PPP2R1A: variants seen among roughly 807,000 people sequenced by gnomAD.
PPP2R1A encodes the protein serine/threonine-protein phosphatase 2A 65 kDa regulatory subunit A alpha isoform.
PPP2R1A carries 15 observed loss-of-function variants against 67.1 expected under a neutral mutation model. The observed-to-expected ratio is 0.22, with a 90% CI of 0.15 to 0.34. The LOEUF (loss-of-function observed/expected upper bound fraction) is 0.34. Ranked by LOEUF, PPP2R1A falls within the 10% of genes least tolerant of loss-of-function variation. The pLI is 1.00. For synonymous variants in PPP2R1A, 337 were observed against 325.0 expected (o/e 1.04, Z -0.40); for missense variants, 369 against 775.0 (o/e 0.48, Z 6.22).
chr19:52,222,281 C>G (rs2122370331), intron 13 of PPP2R1A, 40 bp downstream of exon 13: 3 of 1,594,146 alleles, frequency 1.9e-6, no homozygotes, highest in Non-Finnish European at 2.6e-6. Context: ...GCAGGGGCTT[C>G]TTGTGGGCAC....
chr19:52,201,540 C>T (rs1009009345), intron 1 of PPP2R1A: 4 of 177,258 alleles, frequency 2.3e-5, no homozygotes, highest in Admixed American at 5.5e-5. Context: ...AGCCGAGGAC[C>T]GGGCACAGAG....
Position 52,211,877 on chromosome 19 carries a change from A to G in PPP2R1A, c.503+385A>G, listed in dbSNP as rs901177070. On this transcript the variant is annotated intron_variant, in intron 4 of 14. Coordinates refer to ENST00000322088, the MANE Select transcript of PPP2R1A (RefSeq NM_014225.6). This position sits in a 1 kb window ranked among gnomAD's most constrained non-coding sequence, Gnocchi z 5.3. Reference sequence around the variant, plus strand: ...GTCCAGTGCCTTTGGCAGATAAACCACCTCAGTTTTCAGCCTCCTGCTCGT... The same window carrying G: ...GTCCAGTGCCTTTGGCAGATAAACCGCCTCAGTTTTCAGCCTCCTGCTCGT... 1.3e-5 allele frequency among the ~76,000 whole-genome samples: 2 copies of G among 152,196 alleles called. No homozygotes were observed. The highest frequency in any genetic ancestry group is 2.9e-5 in the Non-Finnish European group (2 of 68,026).
intron 6 of PPP2R1A, 28 bp from the exon 7 acceptor site, chr19:52,215,751 C>G: frequency 6.3e-7 from 1 of 1,597,048 alleles, no homozygotes; most frequent in Non-Finnish European, 8.6e-7. Flanking sequence ...GCCCCTCTCA[C>G]TCTCCCCCTC....
chr19:52,201,924 T>C lies in PPP2R1A; in HGVS notation c.79-20T>C, dbSNP rs2122300316. ...TGGGATTTCTAACATTCTCCCCTCC[T>C]CTTCTTGTTCTCTCATTAGCTTCGC... On this transcript the variant is annotated intron_variant, in intron 1 of 14. Coordinates refer to ENST00000322088, the MANE Select transcript of PPP2R1A (RefSeq NM_014225.6). The C allele has an allele frequency of 6.2e-7, 1 of 1,610,668 alleles. No individual in the cohort carries two copies. The highest frequency in any genetic ancestry group is 1.1e-5 in the South Asian group (1 of 90,996).
chr19:52,201,633 TGAAGA>T (rs1157767287), intron 1 of PPP2R1A: 2 of 363,684 alleles, frequency 5.5e-6, no homozygotes, highest in African/African-American at 2.1e-5. Context: ...GAGAAAGTGA[TGAAGA>T]GAGAGGAGGA....
Position 52,228,124 on chromosome 19 carries a change from C to G in PPP2R1A, c.*2143C>G, listed in dbSNP as rs10402638. The G allele has an allele frequency of 0.16, 24,596 of 152,042 alleles. 2,577 individuals are homozygous for G. The highest frequency in any genetic ancestry group is 0.3 in the African/African-American group (12,459 of 41,380). The allele number at this position is 152,042 out of a possible 1,614,324, so 9.4% of individuals were successfully genotyped here. A position where few individuals can be genotyped will look rare whatever the true frequency, so the allele number is the denominator to read the frequency against. On this transcript the variant is annotated 3_prime_UTR_variant, in exon 15 of 15. Coordinates refer to ENST00000322088, the MANE Select transcript of PPP2R1A (RefSeq NM_014225.6). The stretch of plus-strand genomic sequence containing the variant: ...TGCTATGGCTCAGAGGTGGGGTCTA[C>G]AATTGGACATGTGTATGTAGACAAG...
intron 3 of PPP2R1A, among the ~76,000 whole-genome samples, chr19:52,207,257 A>G (rs1181622285): frequency 1.3e-5 from 2 of 152,208 alleles, no homozygotes; most frequent in African/African-American, 4.8e-5. Context: ...TCACAAAATT[A>G]TCTGTAGCCC....
rs991450426 is a variant in PPP2R1A, at chr19:52,219,166, G to C, written c.1129-525G>C. Among the ~76,000 whole-genome samples the C allele has an allele frequency of 6.6e-6, 1 of 152,198 alleles. No individual in the cohort carries two copies. The highest frequency in any genetic ancestry group is 1.5e-5 in the Non-Finnish European group (1 of 68,044). On this transcript the variant is annotated intron_variant, in intron 9 of 14. Coordinates refer to ENST00000322088, the MANE Select transcript of PPP2R1A (RefSeq NM_014225.6). This position sits in a 1 kb window ranked among gnomAD's most constrained non-coding sequence, Gnocchi z 4.0. ...ACAGCAAGGGCTGGAGCTGGGCAAGGGCCAGTCCTATCCTCGGAATGTGCA... is the reference window on the plus strand; with the variant it reads ...ACAGCAAGGGCTGGAGCTGGGCAAGCGCCAGTCCTATCCTCGGAATGTGCA...
Position 52,216,935 on chromosome 19 carries a change from A to G in PPP2R1A, c.1128+272A>G, listed in dbSNP as rs532304884. ...CCAGGCGCGGTGGCTCACGCCTGTA[A>G]TCCCAGCACTTTGGGAGGCTGAGGC... On this transcript the variant is annotated intron_variant, in intron 9 of 14. Transcript: ENST00000322088. This position sits in a 1 kb window ranked among gnomAD's most constrained non-coding sequence, Gnocchi z 4.3. 6.6e-6 allele frequency among the ~76,000 whole-genome samples: 1 copy of G among 152,310 alleles called. No homozygotes were observed. The highest frequency in any genetic ancestry group is 1.9e-4 in the East Asian group (1 of 5,166).
rs1311380955 is a variant in PPP2R1A, at chr19:52,200,773, C to G, written c.79-1171C>G. Reference sequence around the variant, plus strand: ...GTTCCTGGGCTTGTGGATGCATCTCCTGGTCTCTCCACCCATCTTCACATG... The same window carrying G: ...GTTCCTGGGCTTGTGGATGCATCTCGTGGTCTCTCCACCCATCTTCACATG... On this transcript the variant is annotated intron_variant, in intron 1 of 14. Transcript: ENST00000322088. 2.6e-5 allele frequency among the ~76,000 whole-genome samples: 4 copies of G among 152,212 alleles called. No homozygotes were observed. The South Asian group carries it at 8.3e-4, about 32-fold the overall frequency.
At position 52,216,496 on chromosome 19, in the gene PPP2R1A, C is replaced by T. The variant is rs746175337; in HGVS notation, c.994-33C>T. On this transcript the variant is annotated intron_variant, in intron 8 of 14. Coordinates refer to ENST00000322088, the MANE Select transcript of PPP2R1A (RefSeq NM_014225.6). This position sits in a 1 kb window ranked among gnomAD's most constrained non-coding sequence, Gnocchi z 4.3. ...GCCACTTGCTGCTGCAGGGGTTGCA[C>T]TGACCCCTGTGCCTGCCTCTTCTCT... The T allele has an allele frequency of 6.8e-6, 11 of 1,613,780 alleles. 1 individual carries two copies. In the South Asian group the frequency reaches 1.2e-4, roughly 18 times the overall value.
chr19:52,205,870 C>A, intron 2 of PPP2R1A, 93 bp from the exon 3 acceptor site: 2 of 1,023,022 alleles, frequency 2.0e-6, no homozygotes, highest in Non-Finnish European at 3.0e-6. Context: ...GTGCTGACAG[C>A]CTGAGGAAGC....
intron 2 of PPP2R1A, among the ~76,000 whole-genome samples, chr19:52,203,374 C>T (rs548645631): frequency 1.3e-5 from 2 of 152,296 alleles, no homozygotes; most frequent in Non-Finnish European, 2.9e-5. Flanking sequence ...AATGCTGAAG[C>T]ATGGCAGGAT....
intron 1 of PPP2R1A, chr19:52,201,005 A>G (rs1193214767): frequency 6.7e-6 from 1 of 150,036 alleles, no homozygotes; most frequent in African/African-American, 2.5e-5. Flanking sequence ...CTACGTCTGC[A>G]AAGACTGTTT....
At chr19:52,192,121 A>T (rs1024951484) in intron 1 of PPP2R1A, among the ~76,000 whole-genome samples, 2 of 152,014 alleles carry the variant, frequency 1.3e-5, no homozygotes, top group Non-Finnish European at 2.9e-5. Context: ...CCTTGTTGAG[A>T]TCCTGTTTGA....
chr19:52,215,582 T>C (rs1471689901), intron 6 of PPP2R1A, among the ~76,000 whole-genome samples, 197 bp from the exon 7 acceptor site: 3 of 152,170 alleles, frequency 2.0e-5, no homozygotes, highest in Non-Finnish European at 4.4e-5. Flanking sequence ...CATTTTTCTT[T>C]GGAAGCAAAA....
intron 1 of PPP2R1A, chr19:52,200,523 T>G (rs1037937075): frequency 6.6e-6 from 1 of 152,248 alleles, no homozygotes; most frequent in African/African-American, 2.4e-5. Flanking sequence ...TGTTGTGAGA[T>G]CTATTATGTG....
chr19:52,192,871 G>T (rs555483958), intron 1 of PPP2R1A, among the ~76,000 whole-genome samples: 1 of 152,146 alleles, frequency 6.6e-6, no homozygotes. Context: ...CCCAGGAACC[G>T]CGAGGTGTTC....
intron 1 of PPP2R1A, among the ~76,000 whole-genome samples, chr19:52,199,010 C>T (rs2089522530): frequency 6.6e-6 from 1 of 152,214 alleles, no homozygotes; most frequent in Non-Finnish European, 1.5e-5. Context: ...TCATTGTCCT[C>T]AGGGCTGTTG....
Sources: allele counts gnomAD v4.1 joint callset (sites outside exome capture counted in the v4.1 genomes callset), GRCh38; gene constraint gnomAD v4.1.1; non-coding constraint Gnocchi (gnomAD v3.1); transcripts MANE v1.5; gene names NCBI Gene and HGNC (gene_info 2026-07-23, HGNC 2026-07-21).